The following DAB1 variants were observed in gnomAD, a reference collection of about 807,000 sequenced individuals.
The protein encoded by DAB1 is DAB adaptor protein 1, also known as disabled homolog 1.
A neutral mutation model predicts 64.6 loss-of-function variants in DAB1; 15 were observed. The observed-to-expected ratio is 0.23, with a 90% CI of 0.16 to 0.36. DAB1 has a LOEUF of 0.36. Among genes scored for constraint, DAB1 ranks in the 10% least tolerant of loss-of-function variants. The probability of loss-of-function intolerance (pLI) is 1.00; values close to 1 mark genes in which losing one functional copy is unlikely to be tolerated. For synonymous variants in DAB1, 235 were observed against 251.9 expected (o/e 0.93, Z 0.64); for missense variants, 596 against 706.7 (o/e 0.84, Z 1.78).
At chr1:57,236,682 A>G (rs746962202) in intron 2 of DAB1, among the ~76,000 whole-genome samples, 2 of 152,124 alleles carry the variant, frequency 1.3e-5, no homozygotes, top group Non-Finnish European at 1.5e-5. Context: ...CCAACAACTG[A>G]TTTTCATGTA....
chr1:58,431,475 T>C (rs1644869957), intron 3 of DAB1, among the ~76,000 whole-genome samples: 1 of 148,812 alleles, frequency 6.7e-6, no homozygotes, highest in Non-Finnish European at 1.5e-5. Context: ...GGAGAATCGC[T>C]TGAACCCGGG....
chr1:57,608,144 T>C (rs1285700586), intron 7 of DAB1, among the ~76,000 whole-genome samples: 2 of 152,184 alleles, frequency 1.3e-5, no homozygotes, highest in African/African-American at 4.8e-5. Flanking sequence ...TACATATGTG[T>C]ATACACACAC....
At chr1:58,536,963 T>A (rs1557458701) in intron 1 of DAB1, among the ~76,000 whole-genome samples, 1 of 152,072 alleles carries the variant, frequency 6.6e-6, no homozygotes. Flanking sequence ...CTCATCGAAA[T>A]TTTCTTCTTC....
chr1:57,138,576 T>C (rs1486839142), intron 3 of DAB1, among the ~76,000 whole-genome samples: 1 of 152,204 alleles, frequency 6.6e-6, no homozygotes, highest in East Asian at 1.9e-4. Context: ...CAGAGTTCTC[T>C]GTCTCTTCAA....
At chr1:58,217,756 A>G (rs1658932084) in intron 4 of DAB1, among the ~76,000 whole-genome samples, 1 of 152,194 alleles carries the variant, frequency 6.6e-6, no homozygotes, top group Non-Finnish European at 1.5e-5. Flanking sequence ...TTTAACAAGC[A>G]TTTATAATAT....
chr1:57,139,045 C>T (rs1445835797), intron 3 of DAB1, among the ~76,000 whole-genome samples: 1 of 152,142 alleles, frequency 6.6e-6, no homozygotes, highest in Non-Finnish European at 1.5e-5. Flanking sequence ...TAAAATAATA[C>T]ATGTTACTAT....
intron 1 of DAB1, among the ~76,000 whole-genome samples, chr1:57,859,840 G>C (rs1653929045): frequency 6.6e-6 from 1 of 152,162 alleles, no homozygotes; most frequent in Admixed American, 6.5e-5. Flanking sequence ...TGAATACCAG[G>C]ACTATACCTG....
chr1:57,654,406 C>T (rs1646291841), intron 6 of DAB1, among the ~76,000 whole-genome samples: 1 of 152,018 alleles, frequency 6.6e-6, no homozygotes, highest in Non-Finnish European at 1.5e-5. Flanking sequence ...GGTGTGGTCA[C>T]AAGTTATAGG....
intron 2 of DAB1, among the ~76,000 whole-genome samples, chr1:57,165,562 T>G (rs1661148419): frequency 6.6e-6 from 1 of 152,244 alleles, no homozygotes; most frequent in South Asian, 2.1e-4. Context: ...ATTAAACATC[T>G]ATTGTGTTCC....
chr1:57,688,695 G>C (rs1244022097), intron 6 of DAB1, among the ~76,000 whole-genome samples: 1 of 152,158 alleles, frequency 6.6e-6, no homozygotes, highest in Admixed American at 6.5e-5. Context: ...ATTATATAAA[G>C]AAAATGTGGT....
intron 1 of DAB1, among the ~76,000 whole-genome samples, chr1:57,882,483 C>T (rs1644159749): frequency 1.3e-5 from 2 of 152,168 alleles, no homozygotes; most frequent in South Asian, 4.1e-4. Context: ...ATTTTGAGCT[C>T]CTCTAAGGAA....
chr1:57,459,763 T>C (rs1451808830), intron 7 of DAB1, among the ~76,000 whole-genome samples: 6 of 152,226 alleles, frequency 3.9e-5, no homozygotes, highest in Non-Finnish European at 8.8e-5. Context: ...CCAATGCTGT[T>C]CTCATGCCAC....
In DAB1 at chr1:57,226,672, A is replaced by AAAT. The variant is rs747021990; in HGVS notation, c.67+64291_67+64292insATT. Reference sequence around the variant, plus strand: ...GTCACTCAAAAGTGGTTAAAAAAAAAATATATATATATATATATATATATA... The same window carrying AAAT: ...GTCACTCAAAAGTGGTTAAAAAAAAAAATATATATATATATATATATATATATA... On this transcript the variant is annotated intron_variant, in intron 2 of 14. Coordinates refer to ENST00000371236, the MANE Select transcript of DAB1 (RefSeq NM_001365792.1). 8.2e-3 allele frequency among the ~76,000 whole-genome samples: 1,116 copies of AAAT among 135,954 alleles called. 19 individuals carry two copies. Among genetic ancestry groups the AAAT allele is most frequent in the African/African-American group, 0.029 (939 of 32,372 alleles). 89.2% of individuals were successfully genotyped at this position (135,954 alleles called of 152,430 possible).
intron 5 of DAB1, among the ~76,000 whole-genome samples, chr1:58,145,090 C>T (rs1557669974): frequency 1.3e-5 from 2 of 152,206 alleles, no homozygotes; most frequent in African/African-American, 4.8e-5. Flanking sequence ...TTTGTACTTG[C>T]TAAATATTCA....
chr1:57,072,468 G>C, intron 4 of DAB1, 54 bp from the exon 5 acceptor site: 1 of 1,590,610 alleles, frequency 6.3e-7, no homozygotes, highest in Non-Finnish European at 8.6e-7. Context: ...CCTTCGAGCT[G>C]TTGATCAATA....
At chr1:58,428,378 T>C (rs849469) in intron 3 of DAB1, among the ~76,000 whole-genome samples, 22,093 of 152,222 alleles carry the variant, frequency 0.15, 2,134 homozygotes, top group East Asian at 0.29. Flanking sequence ...ACTAGGTGGA[T>C]ACAGTCAACA....
intron 4 of DAB1, among the ~76,000 whole-genome samples, chr1:58,199,842 G>A (rs1204093257): frequency 6.6e-6 from 1 of 152,184 alleles, no homozygotes; most frequent in Non-Finnish European, 1.5e-5. Context: ...ATGCAAGTCA[G>A]TGGGATGAAG....
At chr1:57,764,497 T>A (rs928561033) in intron 6 of DAB1, among the ~76,000 whole-genome samples, 1 of 152,182 alleles carries the variant, frequency 6.6e-6, no homozygotes, top group African/African-American at 2.4e-5. Context: ...CCTCCTACAA[T>A]GATGAATATA....
chr1:57,711,628 G>A (rs575639955), intron 6 of DAB1, among the ~76,000 whole-genome samples: 148 of 152,200 alleles, frequency 9.7e-4, no homozygotes, highest in Non-Finnish European at 6.8e-4. Context: ...TTAATGAGTA[G>A]GTTGTTAGAA....
Sources: gnomAD v4.1 joint callset for allele counts (sites outside exome capture counted in the v4.1 genomes callset) on GRCh38, gnomAD v4.1.1 for gene constraint, MANE v1.5 for transcripts, NCBI Gene and HGNC (gene_info 2026-07-23, HGNC 2026-07-21) for gene names.